NDST4: variants seen among roughly 807,000 people sequenced by gnomAD.
The protein encoded by NDST4 is N-deacetylase and N-sulfotransferase 4.
NDST4 carries 63 observed loss-of-function variants against 100.8 expected under a neutral mutation model. The observed-to-expected ratio is 0.62, with a 90% CI of 0.51 to 0.77. The LOEUF (loss-of-function observed/expected upper bound fraction) is 0.77. Among genes scored for constraint, NDST4 ranks in the 30% least tolerant of loss-of-function variants. NDST4 has a pLI of 0.00. For synonymous variants in NDST4, 377 were observed against 361.8 expected (o/e 1.04, Z -0.48); for missense variants, 943 against 1,018.4 (o/e 0.93, Z 1.01).
At chr4:114,929,022 A>ATCTG (rs751296369) in intron 6 of NDST4, among the ~76,000 whole-genome samples, 8 of 139,966 alleles carry the variant, frequency 5.7e-5, no homozygotes, top group South Asian at 2.3e-4. Context: ...ATCCCTATCT[A>ATCTG]TCTGTCTGTC....
intron 2 of NDST4, among the ~76,000 whole-genome samples, chr4:114,979,752 T>C (rs1465917158): frequency 6.6e-6 from 1 of 151,478 alleles, no homozygotes; most frequent in Non-Finnish European, 1.5e-5. Context: ...CTTTTCATTG[T>C]TGAAAAAAAG....
At position 115,075,913 on chromosome 4, in the gene NDST4, G is replaced by C. The variant is rs570239875; in HGVS notation, c.978+146C>G. On this transcript the variant is annotated intron_variant, in intron 2 of 13. Transcript: ENST00000264363. ...TGTGTGTAAAGAATGGTTAAGTCTT[G>C]GTTCAATATTTTTCTAAATGGCTAT... 105 of 910,032 alleles carry C rather than the reference G, an allele frequency of 1.2e-4. No individual in the cohort carries two copies. The East Asian group carries it at 1.9e-3, about 17-fold the overall frequency. 56.4% of individuals were successfully genotyped at this position (910,032 alleles called of 1,614,324 possible).
intron 2 of NDST4, among the ~76,000 whole-genome samples, chr4:115,038,689 G>T (rs1728285367): frequency 6.6e-6 from 1 of 152,158 alleles, no homozygotes; most frequent in Non-Finnish European, 1.5e-5. Flanking sequence ...TATAAGAAAT[G>T]TTGTGGGCTG....
intron 1 of NDST4, among the ~76,000 whole-genome samples, chr4:115,099,725 A>G (rs1400665024): frequency 6.6e-6 from 1 of 152,200 alleles, no homozygotes; most frequent in African/African-American, 2.4e-5. Context: ...GGAATGAAAA[A>G]TGATACAGCC....
At chr4:114,858,933 G>A (rs925375307) in intron 7 of NDST4, among the ~76,000 whole-genome samples, 1 of 152,170 alleles carries the variant, frequency 6.6e-6, no homozygotes, top group African/African-American at 2.4e-5. Flanking sequence ...ATCCTGGTAG[G>A]GGTAATTGAC....
chr4:114,907,463 A>G (rs1724976556), intron 6 of NDST4, among the ~76,000 whole-genome samples: 1 of 152,206 alleles, frequency 6.6e-6, no homozygotes, highest in South Asian at 2.1e-4. Context: ...AAAAAGTTAC[A>G]GCAACTTCTA....
chr4:114,928,705 C>A (rs2126222137), intron 6 of NDST4, among the ~76,000 whole-genome samples: 1 of 152,220 alleles, frequency 6.6e-6, no homozygotes, highest in South Asian at 2.1e-4. Flanking sequence ...GCAGATTGCC[C>A]TCTGTAATGC....
intron 2 of NDST4, among the ~76,000 whole-genome samples, chr4:115,016,083 T>C (rs1412058652): frequency 2.6e-5 from 4 of 152,084 alleles, no homozygotes; most frequent in African/African-American, 4.8e-5. Context: ...ATAGTCATGT[T>C]AATCCATCAA....
At chr4:114,894,889 G>A (rs1463993935) in intron 6 of NDST4, among the ~76,000 whole-genome samples, 1 of 152,122 alleles carries the variant, frequency 6.6e-6, no homozygotes, top group Non-Finnish European at 1.5e-5. Flanking sequence ...GTCATAAACA[G>A]TGCTTATTAT....
At chr4:114,848,671 G>T (rs1427943044) in intron 8 of NDST4, among the ~76,000 whole-genome samples, 1 of 152,166 alleles carries the variant, frequency 6.6e-6, no homozygotes, top group Non-Finnish European at 1.5e-5. Flanking sequence ...GAAGGGCAAG[G>T]GTCCTTCTGG....
At chr4:114,959,676 T>C (rs959044795) in intron 4 of NDST4, among the ~76,000 whole-genome samples, 6 of 151,964 alleles carry the variant, frequency 3.9e-5, no homozygotes, top group African/African-American at 9.7e-5. Flanking sequence ...AACAAGAAAT[T>C]TGAGCTAACA....
At chr4:114,872,413 T>C (rs1724167649) in intron 6 of NDST4, among the ~76,000 whole-genome samples, 1 of 152,030 alleles carries the variant, frequency 6.6e-6, no homozygotes, top group Admixed American at 6.6e-5. Context: ...CACTGGCCAA[T>C]GTTACGCTGA....
At chr4:115,023,720 C>T (rs77312590) in intron 2 of NDST4, among the ~76,000 whole-genome samples, 2,883 of 152,096 alleles carry the variant, frequency 0.019, 96 homozygotes, top group African/African-American at 0.065. Flanking sequence ...AAGGGTGTAG[C>T]CATCCATCAT....
At chr4:114,858,777 T>C in intron 7 of NDST4, among the ~76,000 whole-genome samples, 1 of 152,146 alleles carries the variant, frequency 6.6e-6, no homozygotes, top group East Asian at 1.9e-4. Context: ...TTAAGGTTGG[T>C]GGATCTAGGA....
At chr4:114,975,225 T>C (rs1287870417) in intron 3 of NDST4, among the ~76,000 whole-genome samples, 1 of 152,120 alleles carries the variant, frequency 6.6e-6, no homozygotes, top group African/African-American at 2.4e-5. Context: ...TCTTGAAATA[T>C]GTTATAGGTG....
chr4:114,834,725 T>C (rs1490905222), intron 11 of NDST4, among the ~76,000 whole-genome samples: 1 of 152,164 alleles, frequency 6.6e-6, no homozygotes, highest in Non-Finnish European at 1.5e-5. Flanking sequence ...AGAATTCGGC[T>C]GTGAAGCAGT....
intron 2 of NDST4, among the ~76,000 whole-genome samples, chr4:114,983,420 AAAG>A (rs1054086944): frequency 3.3e-5 from 5 of 152,336 alleles, no homozygotes; most frequent in African/African-American, 1.2e-4. Flanking sequence ...ACCTGAACTC[AAAG>A]AAGATTATTT....
intron 6 of NDST4, among the ~76,000 whole-genome samples, chr4:114,926,827 C>G (rs1341273259): frequency 2.6e-5 from 4 of 151,980 alleles, no homozygotes; most frequent in Non-Finnish European, 5.9e-5. Flanking sequence ...CAGATGAATT[C>G]CCAAGGCAAT....
chr4:115,037,967 G>A (rs1728268603), intron 2 of NDST4, among the ~76,000 whole-genome samples: 2 of 152,146 alleles, frequency 1.3e-5, no homozygotes, highest in Admixed American at 1.3e-4. Flanking sequence ...TAAAATACAT[G>A]TTTTGACTAT....
Sources: gnomAD v4.1 joint callset for allele counts (sites outside exome capture counted in the v4.1 genomes callset) on GRCh38, gnomAD v4.1.1 for gene constraint, MANE v1.5 for transcripts, NCBI Gene and HGNC (gene_info 2026-07-23, HGNC 2026-07-21) for gene names.